CCDC13: variants seen among roughly 807,000 people sequenced by gnomAD.
CCDC13 encodes coiled-coil domain containing 13.
CCDC13 carries 70 observed loss-of-function variants against 87.3 expected under a neutral mutation model. The ratio of observed to expected loss-of-function variants is 0.80; its 90% CI spans 0.66 to 0.98. The LOEUF (loss-of-function observed/expected upper bound fraction) is 0.98. Among genes scored for constraint, CCDC13 ranks in the 50% least tolerant of loss-of-function variants. CCDC13 has a pLI of 0.00. For synonymous variants in CCDC13, 317 were observed against 360.3 expected (o/e 0.88, Z 1.36); for missense variants, 842 against 892.0 (o/e 0.94, Z 0.71).
At chr3:42,747,683 G>C (rs1699452360) in intron 5 of CCDC13, among the ~76,000 whole-genome samples, 1 of 152,190 alleles carries the variant, frequency 6.6e-6, no homozygotes. Flanking sequence ...ACACACATGT[G>C]GGTGTATGCC....
At chr3:42,749,622 C>T (rs1699519264) in intron 5 of CCDC13, among the ~76,000 whole-genome samples, 1 of 152,202 alleles carries the variant, frequency 6.6e-6, no homozygotes, top group Admixed American at 6.5e-5. Flanking sequence ...GATCAGGCCC[C>T]GTCCTCCTAG....
At chr3:42,759,474 C>A (rs1221904454) in intron 1 of CCDC13, among the ~76,000 whole-genome samples, 1 of 152,244 alleles carries the variant, frequency 6.6e-6, no homozygotes, top group Non-Finnish European at 1.5e-5. Flanking sequence ...CAATCCCAGG[C>A]AAACTCTGGT....
rs1460821061 is a variant in CCDC13, at chr3:42,730,459, T to C, written c.1718+8A>G. The C allele has an allele frequency of 1.9e-6, 3 of 1,611,872 alleles. No homozygotes were observed. Among genetic ancestry groups the C allele is most frequent in the African/African-American group, 1.3e-5 (1 of 75,004 alleles). ...CTATGGGAGAGATCCCTGGGTGCCA[T>C]GTGTTACCGTTTCTGCAGGACAGTG... On this transcript the variant is annotated splice_region_variant and intron_variant, in intron 13 of 15. Transcript: ENST00000310232.
At position 42,706,744 on chromosome 3, in the gene CCDC13, CT is replaced by C. The variant is rs1185382981; in HGVS notation, c.*2235del. ...GAAATCAGTCTATAGATACATGTTC[CT>C]TGTACAGAAATAAACAGAGAGCTAA... On this transcript the variant is annotated 3_prime_UTR_variant, in exon 16 of 16. Coordinates refer to ENST00000310232, the MANE Select transcript of CCDC13 (RefSeq NM_144719.4). 6.6e-6 allele frequency: 1 copy of C among 152,200 alleles called. No homozygotes were observed. The highest frequency in any genetic ancestry group is 1.5e-5 in the Non-Finnish European group (1 of 68,040). The allele number at this position is 152,200 out of a possible 1,614,324, so 9.4% of individuals were successfully genotyped here. A position where few individuals can be genotyped will look rare whatever the true frequency, so the allele number is the denominator to read the frequency against.
intron 14 of CCDC13, among the ~76,000 whole-genome samples, chr3:42,710,078 T>C (rs1698273024): frequency 6.6e-6 from 1 of 151,978 alleles, no homozygotes; most frequent in African/African-American, 2.4e-5. Flanking sequence ...CTTTATACTT[T>C]ACAAGTTTCT....
At chr3:42,758,057 G>A (rs986873156) in intron 2 of CCDC13, 68 bp downstream of exon 2, 41 of 1,085,644 alleles carry the variant, frequency 3.8e-5, no homozygotes, top group South Asian at 1.3e-4. Context: ...CTATAGCTCC[G>A]GTGGTACACA....
intron 5 of CCDC13, chr3:42,750,049 T>A (rs924985067): frequency 2.4e-6 from 1 of 410,870 alleles, no homozygotes; most frequent in African/African-American, 2.0e-5. Context: ...CTGCGGCCCA[T>A]CACACACTCT....
intron 10 of CCDC13, among the ~76,000 whole-genome samples, chr3:42,734,749 T>C (rs1559645794): frequency 6.6e-6 from 1 of 152,196 alleles, no homozygotes; most frequent in Non-Finnish European, 1.5e-5. Flanking sequence ...CAAGGCTCCT[T>C]TGTCACTGGG....
intron 13 of CCDC13, among the ~76,000 whole-genome samples, chr3:42,716,774 G>A (rs1274918694): frequency 6.6e-6 from 1 of 152,182 alleles, no homozygotes. Flanking sequence ...GAAAAGTTTG[G>A]TGGCTCCTTA....
intron 9 of CCDC13, among the ~76,000 whole-genome samples, chr3:42,736,477 T>C (rs1699025672): frequency 6.6e-6 from 1 of 152,200 alleles, no homozygotes; most frequent in Non-Finnish European, 1.5e-5. Flanking sequence ...GGCATATTGC[T>C]GGTGAATAGC....
chr3:42,767,756 C>T (rs939360538), intron 1 of CCDC13, among the ~76,000 whole-genome samples: 1 of 152,028 alleles, frequency 6.6e-6, no homozygotes. Context: ...GGGTGGATCA[C>T]CTGAGGTCAG....
intron 13 of CCDC13, among the ~76,000 whole-genome samples, chr3:42,716,843 G>A (rs1048138847): frequency 1.8e-4 from 27 of 152,116 alleles, no homozygotes; most frequent in Admixed American, 1.7e-3. Flanking sequence ...AATTGAAAAC[G>A]GGGACTCAAA....
intron 9 of CCDC13, 26 bp downstream of exon 9, chr3:42,739,608 G>A (rs770585849): frequency 3.1e-5 from 50 of 1,605,148 alleles, no homozygotes; most frequent in Admixed American, 1.0e-4. Context: ...CCTGGCTCTC[G>A]CCCTGCCTGA....
intron 4 of CCDC13, 66 bp from the exon 5 acceptor site, chr3:42,752,091 G>A (rs908035016): frequency 2.9e-6 from 4 of 1,396,504 alleles, no homozygotes; most frequent in Non-Finnish European, 3.0e-6. Context: ...AAAGCACTCT[G>A]GTGCCATTGT....
chr3:42,743,587 T>TTATATATATATATATATATATATATATA (rs1553690701), intron 7 of CCDC13, among the ~76,000 whole-genome samples: 2,198 of 96,890 alleles, frequency 0.023, 41 homozygotes, highest in Middle Eastern at 0.051. Flanking sequence ...CTGGATAATT[T>TTATATATATATATATATATATATATATA]TATATATATA....
chr3:42,718,147 A>G (rs1698474453), intron 13 of CCDC13: 4 of 152,228 alleles, frequency 2.6e-5, no homozygotes, highest in African/African-American at 7.2e-5. Context: ...TCTAAGTCAC[A>G]GGATGAGATA....
chr3:42,709,249 G>A, intron 15 of CCDC13, 110 bp from the exon 16 acceptor site: 4 of 1,158,350 alleles, frequency 3.5e-6, no homozygotes, highest in Non-Finnish European at 1.2e-6. Context: ...TTCAGGCTCA[G>A]GCTTCCCTCT....
At chr3:42,749,807 A>G (rs899907823) in intron 5 of CCDC13, 3 of 454,196 alleles carry the variant, frequency 6.6e-6, no homozygotes, top group Admixed American at 2.4e-5. Flanking sequence ...GATGATGCCA[A>G]CGCTACTCAC....
rs1047576464 is a variant in CCDC13, at chr3:42,756,750, C to T, written c.370+316G>A. The stretch of plus-strand genomic sequence containing the variant: ...ATCCTGCCAGCCCCTTTACATGCTG[C>T]GAGCATGATGGCAAACCCTTGTCAT... On this transcript the variant is annotated intron_variant, in intron 3 of 15. Transcript: ENST00000310232. 3.9e-5 allele frequency among the ~76,000 whole-genome samples: 6 copies of T among 152,140 alleles called. No individual in the cohort carries two copies. The East Asian group carries it at 7.7e-4, about 20-fold the overall frequency.
Sources: gnomAD v4.1 joint callset for allele counts (sites outside exome capture counted in the v4.1 genomes callset) on GRCh38, gnomAD v4.1.1 for gene constraint, MANE v1.5 for transcripts, NCBI Gene and HGNC (gene_info 2026-07-23, HGNC 2026-07-21) for gene names.